Variants in UGT2B28 observed in about 807,000 individuals in gnomAD.
The protein encoded by UGT2B28 is UDP-glucuronosyltransferase 2B28.
In UGT2B28, 45 loss-of-function variants were observed where a neutral mutation model predicts 43.6. That is an observed-to-expected ratio of 1.03 (90% CI 0.81 to 1.32). The LOEUF (loss-of-function observed/expected upper bound fraction) is 1.32, where lower values mean the gene tolerates loss of function less well. Ranked by LOEUF, UGT2B28 falls within the 40% of genes most tolerant of loss-of-function variation. The probability of loss-of-function intolerance (pLI) is 0.00; values close to 1 mark genes in which losing one functional copy is unlikely to be tolerated. For missense variants in UGT2B28, 649 were observed against 625.5 expected, an observed-to-expected ratio of 1.04 and a Z score of -0.40; for synonymous variants, 204 against 208.1, an observed-to-expected ratio of 0.98 and a Z score of 0.17.
Position 69,286,637 on chromosome 4 carries a change from T to A in UGT2B28, c.871-115T>A, listed in dbSNP as rs1304652218. Reference sequence around the variant, plus strand: ...ATTGAGTCAGTTAAAAAATATTATTTACTCCAATAATTCCTCAAAATACTT... The same window carrying A: ...ATTGAGTCAGTTAAAAAATATTATTAACTCCAATAATTCCTCAAAATACTT... On this transcript the variant is annotated intron_variant, in intron 2 of 5. Transcript: ENST00000335568. 5.9e-6 allele frequency: 8 copies of A among 1,354,814 alleles called. 1 individual carries two copies. In the African/African-American group the frequency reaches 1.2e-4, roughly 20 times the overall value. The allele number at this position is 1,354,814 out of a possible 1,614,324, so 83.9% of individuals were successfully genotyped here.
At position 69,280,966 on chromosome 4, in the gene UGT2B28, T is replaced by C; in HGVS notation, c.466T>C (p.Cys156Arg). The C allele has an allele frequency of 1.6e-5, 25 of 1,560,268 alleles. 4 individuals are homozygous for C. The highest frequency in any genetic ancestry group is 2.1e-5 in the Non-Finnish European group (24 of 1,155,692). Reference sequence around the variant, plus strand: ...CATTTTTGCAGATGCTTTTTTTCCTTGTGGTGAGCTGCTGGCTGCGCTACT... The same window carrying C: ...CATTTTTGCAGATGCTTTTTTTCCTCGTGGTGAGCTGCTGGCTGCGCTACT... ...DIIFADAFFP[C>R]GELLAALLNI... The change falls in exon 1 of 6, where the codon TGT becomes CGT. Residue 156 changes from cysteine (C) to arginine (R), a missense_variant. Coordinates refer to ENST00000335568, the MANE Select transcript of UGT2B28 (RefSeq NM_053039.2).
At chr4:69,292,113 T>G (rs1723971038) in intron 5 of UGT2B28, among the ~76,000 whole-genome samples, 1 of 140,930 alleles carries the variant, frequency 7.1e-6, no homozygotes, top group African/African-American at 2.8e-5. Flanking sequence ...ATGGGTCAAA[T>G]CAGATATATA....
intron 3 of UGT2B28, among the ~76,000 whole-genome samples, chr4:69,287,236 G>T (rs866999426): frequency 2.8e-5 from 4 of 140,744 alleles, no homozygotes; most frequent in African/African-American, 1.1e-4. Flanking sequence ...TATATTTCAG[G>T]TAAGTGAAAA....
chr4:69,290,492 T>C lies in UGT2B28; in HGVS notation c.1091-100T>C, dbSNP rs1723919656. The C allele has an allele frequency of 3.5e-6, 5 of 1,418,188 alleles. 1 individual carries two copies. Among genetic ancestry groups the C allele is most frequent in the Non-Finnish European group, 4.8e-6 (5 of 1,049,048 alleles). 87.9% of individuals were successfully genotyped at this position (1,418,188 alleles called of 1,614,324 possible). On this transcript the variant is annotated intron_variant, in intron 4 of 5. Coordinates refer to ENST00000335568, the MANE Select transcript of UGT2B28 (RefSeq NM_053039.2). ...GTCTGAAAAGTAATGGCAAATTAGT[T>C]TAATGTGTTATCTAGAAAACACTGT...
Position 69,294,649 on chromosome 4 carries a change from G to A in UGT2B28, c.1430G>A (p.Arg477Gln), listed in dbSNP as rs373902503. Residue 477 changes from arginine (R) to glutamine (Q), a missense_variant, in exon 6 of 6, where the codon CGA becomes CAA. By Grantham distance (43) the Arg-to-Gln change is conservative (BLOSUM62 1). Transcript: ENST00000335568. ...TGCCACAAAGGAGCCAAACACCTTCGAGTTGCAGCCCGTGACCTCACCTGG... is the reference window on the plus strand; with the variant it reads ...TGCCACAAAGGAGCCAAACACCTTCAAGTTGCAGCCCGTGACCTCACCTGG... ...VMCHKGAKHL[R>Q]VAARDLTWFQ... is the part of the protein sequence containing the mutation. 7.1e-6 allele frequency: 11 copies of A among 1,559,690 alleles called. No individual in the cohort carries two copies. The highest frequency in any genetic ancestry group is 2.4e-5 in the South Asian group (2 of 84,382).
Position 69,294,200 on chromosome 4 carries a change from C to T in UGT2B28, c.1311-330C>T, listed in dbSNP as rs1429879635. Among the ~76,000 whole-genome samples, 2 of 137,728 alleles carry T rather than the reference C, an allele frequency of 1.5e-5. 1 individual carries two copies. The highest frequency in any genetic ancestry group is 1.5e-4 in the Admixed American group (2 of 13,640). 90.4% of individuals were successfully genotyped at this position (137,728 alleles called of 152,430 possible). A position where few individuals can be genotyped will look rare whatever the true frequency, so the allele number is the denominator to read the frequency against. Reference sequence around the variant, plus strand: ...CATTGTATCAAAATATCTCATGTACCCCATAAATATATACACTTAATATGG... The same window carrying T: ...CATTGTATCAAAATATCTCATGTACTCCATAAATATATACACTTAATATGG... On this transcript the variant is annotated intron_variant, in intron 5 of 5. Transcript: ENST00000335568.
At chr4:69,287,688 A>G (rs1723818995) in intron 3 of UGT2B28, among the ~76,000 whole-genome samples, 1 of 139,780 alleles carries the variant, frequency 7.2e-6, no homozygotes, top group Admixed American at 7.2e-5. Flanking sequence ...CAGCAGTAGG[A>G]AATATAGGAA....
At position 69,294,882 on chromosome 4, in the gene UGT2B28, G is replaced by A; in HGVS notation, c.*73G>A. 2.2e-6 allele frequency: 3 copies of A among 1,376,814 alleles called. No individual in the cohort carries two copies. The highest frequency in any genetic ancestry group is 2.8e-6 in the Non-Finnish European group (3 of 1,059,214). The allele number at this position is 1,376,814 out of a possible 1,614,324, so 85.3% of individuals were successfully genotyped here. A position where few individuals can be genotyped will look rare whatever the true frequency, so the allele number is the denominator to read the frequency against. On this transcript the variant is annotated 3_prime_UTR_variant, in exon 6 of 6. Coordinates refer to ENST00000335568, the MANE Select transcript of UGT2B28 (RefSeq NM_053039.2). ...CAGTTTATTCCAGCAAGAAAGAAAA[G>A]ATTGTTATGCAAGATTTCTTTCTTC...
In UGT2B28 at chr4:69,282,700, G is replaced by A. The variant is rs565777450; in HGVS notation, c.870+38G>A. On this transcript the variant is annotated intron_variant, in intron 2 of 5. Transcript: ENST00000335568. ...TCGTTGGTTTTATTTTGTTGGCTTC[G>A]AAGTTTCAGTAGAAATGAGTCTATA... 67 of 1,532,486 alleles carry A rather than the reference G, an allele frequency of 4.4e-5. 8 individuals are homozygous for A. Among genetic ancestry groups the A allele is most frequent in the East Asian group, 1.4e-4 (6 of 42,670 alleles). 94.9% of individuals were successfully genotyped at this position (1,532,486 alleles called of 1,614,324 possible). A position where few individuals can be genotyped will look rare whatever the true frequency, so the allele number is the denominator to read the frequency against.
Position 69,281,224 on chromosome 4 carries a change from A to G in UGT2B28, c.721+3A>G. On this transcript the variant is annotated splice_donor_region_variant and intron_variant, in intron 1 of 5. Transcript: ENST00000335568. ...TCAGTTTTACAGTGAAGTTTTAGGT[A>G]AGAATTTGTTTAATCGGGAACTTGA... The G allele has an allele frequency of 6.7e-7, 1 of 1,493,976 alleles. No homozygotes were observed. Among genetic ancestry groups the G allele is most frequent in the Non-Finnish European group, 8.9e-7 (1 of 1,127,264 alleles). 92.5% of individuals were successfully genotyped at this position (1,493,976 alleles called of 1,614,324 possible).
At chr4:69,291,848 G>T (rs1360970028) in intron 5 of UGT2B28, among the ~76,000 whole-genome samples, 2 of 140,114 alleles carry the variant, frequency 1.4e-5, no homozygotes, top group Non-Finnish European at 3.0e-5. Context: ...GTACAATATG[G>T]TTCCAATTCC....
At chr4:69,291,048 G>A (rs1723941582) in intron 5 of UGT2B28, among the ~76,000 whole-genome samples, 1 of 140,268 alleles carries the variant, frequency 7.1e-6, no homozygotes, top group East Asian at 2.0e-4. Flanking sequence ...ATTTTAAAAT[G>A]TCATAGATAA....
At position 69,281,184 on chromosome 4, in the gene UGT2B28, T is replaced by G; in HGVS notation, c.684T>G (p.Asp228Glu). ...TTGACTTTTGGTTCCAAATGTGTGA[T>G]ATGAAGAAGTGGGATCAGTTTTACA... ...LYFDFWFQMCDMKKWDQFYSE... is the reference protein window; with the variant it reads ...LYFDFWFQMCEMKKWDQFYSE... Residue 228 changes from aspartate (D) to glutamate (E), a missense_variant, in exon 1 of 6, where the codon GAT (aspartate) becomes GAG (glutamate). By Grantham distance (45) the Asp-to-Glu change is conservative (BLOSUM62 2). Coordinates refer to ENST00000335568, the MANE Select transcript of UGT2B28 (RefSeq NM_053039.2). The G allele has an allele frequency of 6.5e-7, 1 of 1,542,790 alleles. No individual in the cohort carries two copies. Among genetic ancestry groups the G allele is most frequent in the Non-Finnish European group, 8.7e-7 (1 of 1,148,950 alleles).
chr4:69,292,369 T>C lies in UGT2B28; in HGVS notation c.1310+1558T>C, dbSNP rs1423297583. Among the ~76,000 whole-genome samples, 2 of 140,152 alleles carry C rather than the reference T, an allele frequency of 1.4e-5. 1 individual carries two copies. The highest frequency in any genetic ancestry group is 5.6e-5 in the African/African-American group (2 of 35,918). 91.9% of individuals were successfully genotyped at this position (140,152 alleles called of 152,430 possible). On this transcript the variant is annotated intron_variant, in intron 5 of 5. Coordinates refer to ENST00000335568, the MANE Select transcript of UGT2B28 (RefSeq NM_053039.2). ...CTAAAGGAATGCTTTAAAAATACTT[T>C]ATCCCAAAGAAAATAGAAGGATAAT...
intron 3 of UGT2B28, among the ~76,000 whole-genome samples, chr4:69,287,314 A>T (rs1283091644): frequency 7.1e-6 from 1 of 140,962 alleles, no homozygotes; most frequent in Non-Finnish European, 1.5e-5. Context: ...CCAGAACTGC[A>T]TCTTTGTAGA....
intron 2 of UGT2B28, among the ~76,000 whole-genome samples, chr4:69,283,700 TTTGTTA>T (rs1312879196): frequency 1.4e-5 from 2 of 140,906 alleles, no homozygotes; most frequent in Non-Finnish European, 3.0e-5. Context: ...TTATGGTTAT[TTTGTTA>T]TTATTACCAA....
chr4:69,286,786 A>T lies in UGT2B28; in HGVS notation c.905A>T (p.Asn302Ile). 9 of 1,555,684 alleles carry T rather than the reference A, an allele frequency of 5.8e-6. 3 individuals are homozygous for T. Among genetic ancestry groups the T allele is most frequent in the Non-Finnish European group, 7.8e-6 (9 of 1,154,424 alleles). ...GAATTTGTACAGAGCTCTGGTGAAA[A>T]TGGTGTTGTGGTGTTTTCTCTGGGG... ...MEEFVQSSGE[N>I]GVVVFSLGSV... is the part of the protein sequence containing the mutation. The change falls in exon 3 of 6, where the codon AAT becomes ATT. Residue 302 changes from asparagine to isoleucine, a missense_variant. Coordinates refer to ENST00000335568, the MANE Select transcript of UGT2B28 (RefSeq NM_053039.2).
chr4:69,290,700 C>G lies in UGT2B28; in HGVS notation c.1199C>G (p.Pro400Arg), dbSNP rs749298070. ...MVGIPLFWDQ[P>R]DNIAHMKAKG... ...GGCATTCCATTGTTTTGGGATCAAC[C>G]TGATAACATTGCTCACATGAAGGCC... The change falls in exon 5 of 6, where the codon CCT becomes CGT. Residue 400 changes from proline (P) to arginine (R), a missense_variant. Physicochemically the swap from Pro to Arg is moderately radical, Grantham distance 103. Transcript: ENST00000335568. 4.5e-6 allele frequency: 7 copies of G among 1,559,430 alleles called. No individual in the cohort carries two copies. The African/African-American group carries it at 1.1e-4, about 24-fold the overall frequency.
At chr4:69,286,399 T>C (rs1468650684) in intron 2 of UGT2B28, among the ~76,000 whole-genome samples, 1 of 140,642 alleles carries the variant, frequency 7.1e-6, no homozygotes. Context: ...GTGGTGCCAC[T>C]TTTCCAAGAA....
Sources: gnomAD v4.1 joint callset for allele counts (sites outside exome capture counted in the v4.1 genomes callset) on GRCh38, gnomAD v4.1.1 for gene constraint, MANE v1.5 for transcripts, NCBI Gene and HGNC (gene_info 2026-07-23, HGNC 2026-07-21) for gene names.